The following DLGAP2 variants were observed in gnomAD, a reference collection of about 807,000 sequenced individuals.
DLGAP2 encodes the protein DLG associated protein 2, also known as disks large-associated protein 2.
Under a neutral mutation model 100.3 loss-of-function variants are expected in DLGAP2, and 26 were observed. The ratio of observed to expected loss-of-function variants is 0.26; its 90% CI spans 0.19 to 0.36. DLGAP2 has a LOEUF of 0.36. DLGAP2 is among the 10% of genes least tolerant of loss of function. DLGAP2 has a pLI of 1.00. For missense variants in DLGAP2, 1,858 were observed against 1,453.2 expected (o/e 1.28, Z -4.53); for synonymous variants, 886 against 630.1 (o/e 1.41, Z -6.08).
chr8:739,041 G>A, intron 1 of DLGAP2: 1 of 157,598 alleles, frequency 6.3e-6, no homozygotes. Flanking sequence ...GCCACGGCCT[G>A]GAATTGGAAA....
In DLGAP2 at chr8:1,135,503, G is replaced by GGTTTTT. The variant is rs1554490362; in HGVS notation, c.74-123348_74-123347insGTTTTT. ...GGATCCTAGAAGGGTTTTTTTGTGG[G>GGTTTTT]TTTTTTTTTTTTTTTTTTTTTTTTG... is the stretch of plus-strand genomic sequence containing the variant. On this transcript the variant is annotated intron_variant, in intron 2 of 14. Coordinates refer to ENST00000637795, the MANE Select transcript of DLGAP2 (RefSeq NM_001346810.2). Among the ~76,000 whole-genome samples, 14 of 92,236 alleles carry GGTTTTT rather than the reference G, an allele frequency of 1.5e-4. No individual in the cohort carries two copies. In the East Asian group the frequency reaches 2.7e-3, roughly 18 times the overall value. 60.5% of individuals were successfully genotyped at this position (92,236 alleles called of 152,430 possible). A position where few individuals can be genotyped will look rare whatever the true frequency, so the allele number is the denominator to read the frequency against.
chr8:1,163,438 T>C (rs1796931733), intron 2 of DLGAP2, among the ~76,000 whole-genome samples: 1 of 152,154 alleles, frequency 6.6e-6, no homozygotes, highest in South Asian at 2.1e-4. Flanking sequence ...TGTCCGATGC[T>C]CTGGGACCCT....
At chr8:918,918 T>C (rs543884344) in intron 2 of DLGAP2, among the ~76,000 whole-genome samples, 5 of 152,270 alleles carry the variant, frequency 3.3e-5, no homozygotes, top group African/African-American at 1.2e-4. Flanking sequence ...GAGCTTTCAG[T>C]GCTGTAGGGT....
chr8:1,674,646 C>A (rs7011306), intron 10 of DLGAP2, among the ~76,000 whole-genome samples: 31,619 of 152,102 alleles, frequency 0.21, 3,998 homozygotes, highest in African/African-American at 0.35. Flanking sequence ...GCAATATCTA[C>A]CAAAATTATA....
chr8:1,452,818 T>C (rs7015452), intron 3 of DLGAP2, among the ~76,000 whole-genome samples: 77,277 of 151,972 alleles, frequency 0.51, 20,300 homozygotes, highest in East Asian at 0.87. Flanking sequence ...GGTCTATGGA[T>C]CCCAGCCTAT....
intron 3 of DLGAP2, among the ~76,000 whole-genome samples, chr8:1,434,706 C>A (rs75357898): frequency 6.6e-6 from 1 of 152,204 alleles, no homozygotes; most frequent in Non-Finnish European, 1.5e-5. Flanking sequence ...GAACTCCAGA[C>A]TCAGGCAATC....
intron 6 of DLGAP2, among the ~76,000 whole-genome samples, chr8:1,597,218 G>T (rs916103821): frequency 3.9e-5 from 6 of 152,078 alleles, no homozygotes; most frequent in African/African-American, 9.7e-5. Flanking sequence ...TGTTCCATTG[G>T]CCTATGTATC....
At chr8:884,389 C>A (rs1476685504) in intron 1 of DLGAP2, among the ~76,000 whole-genome samples, 1 of 152,032 alleles carries the variant, frequency 6.6e-6, no homozygotes, top group Non-Finnish European at 1.5e-5. Flanking sequence ...CTGTGATGAT[C>A]AGTGATGTTG....
At chr8:1,622,575 C>T (rs550448268) in intron 6 of DLGAP2, among the ~76,000 whole-genome samples, 1 of 152,352 alleles carries the variant, frequency 6.6e-6, no homozygotes, top group East Asian at 1.9e-4. Context: ...CACCAGGAAT[C>T]CTGCAGTTCT....
chr8:1,466,481 G>A (rs1798629801), intron 3 of DLGAP2, among the ~76,000 whole-genome samples: 1 of 151,942 alleles, frequency 6.6e-6, no homozygotes, highest in South Asian at 2.1e-4. Context: ...TCTTGGCACA[G>A]GGTATCAGGT....
intron 2 of DLGAP2, among the ~76,000 whole-genome samples, chr8:1,157,107 G>A (rs1218622973): frequency 1.3e-5 from 2 of 152,146 alleles, no homozygotes; most frequent in South Asian, 2.1e-4. Flanking sequence ...ACAGACTTTG[G>A]TTTATCCTTT....
rs555595298 is a variant in DLGAP2, at chr8:981,631, G to C, written c.73+73665G>C. ...GTAGCTGTACTAGTGAGTGTGAGGT[G>C]GTATCTCACTGTGTTTTATATTTGC... On this transcript the variant is annotated intron_variant, in intron 2 of 14. Transcript: ENST00000637795. 6.6e-5 allele frequency among the ~76,000 whole-genome samples: 10 copies of C among 152,180 alleles called. 1 individual carries two copies. In the South Asian group the frequency reaches 2.1e-3, roughly 32 times the overall value.
At chr8:1,366,336 G>C (rs1220845730) in intron 3 of DLGAP2, among the ~76,000 whole-genome samples, 1 of 152,210 alleles carries the variant, frequency 6.6e-6, no homozygotes, top group Non-Finnish European at 1.5e-5. Flanking sequence ...TGTTGTTTAG[G>C]AATTCCCAGG....
chr8:854,907 T>G (rs17065349), intron 1 of DLGAP2, among the ~76,000 whole-genome samples: 6,779 of 152,318 alleles, frequency 0.045, 230 homozygotes, highest in African/African-American at 0.091. Context: ...AGGAACGGCA[T>G]GCCCGGATTT....
intron 6 of DLGAP2, among the ~76,000 whole-genome samples, chr8:1,617,211 A>G (rs1797184081): frequency 6.6e-6 from 1 of 152,260 alleles, no homozygotes; most frequent in Non-Finnish European, 1.5e-5. Context: ...TTTTAATGGT[A>G]GAATGAGTTC....
intron 2 of DLGAP2, among the ~76,000 whole-genome samples, chr8:1,204,601 C>T (rs1015897909): frequency 2.6e-5 from 4 of 152,010 alleles, no homozygotes; most frequent in East Asian, 3.9e-4. Context: ...AATTTTGAGG[C>T]CTGAAGGACA....
intron 1 of DLGAP2, among the ~76,000 whole-genome samples, chr8:770,387 A>T (rs1176917090): frequency 6.6e-6 from 1 of 152,166 alleles, no homozygotes; most frequent in Non-Finnish European, 1.5e-5. Flanking sequence ...GGTCCATGCT[A>T]TGCCAGTTTG....
intron 4 of DLGAP2, among the ~76,000 whole-genome samples, chr8:1,506,693 A>G (rs1348342331): frequency 6.6e-6 from 1 of 152,052 alleles, no homozygotes; most frequent in African/African-American, 2.4e-5. Flanking sequence ...TTTTACAGAG[A>G]GCTGATTGGT....
At chr8:1,314,471 A>G (rs1800682584) in intron 3 of DLGAP2, among the ~76,000 whole-genome samples, 1 of 152,226 alleles carries the variant, frequency 6.6e-6, no homozygotes, top group Non-Finnish European at 1.5e-5. Context: ...TGCTGTAACA[A>G]AAGCATTTTG....
Sources: gnomAD v4.1 joint callset for allele counts (sites outside exome capture counted in the v4.1 genomes callset) on GRCh38, gnomAD v4.1.1 for gene constraint, MANE v1.5 for transcripts, NCBI Gene and HGNC (gene_info 2026-07-23, HGNC 2026-07-21) for gene names.